L1CAM: variants seen among roughly 807,000 people sequenced by gnomAD.
L1CAM encodes L1 cell adhesion molecule.
In L1CAM, 8 loss-of-function variants were observed where a neutral mutation model predicts 93.0. The ratio of observed to expected loss-of-function variants is 0.09; its 90% confidence interval spans 0.05 to 0.16. The LOEUF (loss-of-function observed/expected upper bound fraction) is 0.16. Among genes scored for constraint, L1CAM ranks in the 10% least tolerant of loss-of-function variants. L1CAM has a pLI of 1.00. For missense variants in L1CAM, 777 were observed against 1,073.4 expected, an observed-to-expected ratio of 0.72 and a Z score of 3.86; for synonymous variants, 453 against 453.0, an observed-to-expected ratio of 1.00 and a Z score of 0.00.
chrX:153,868,748 C>A (rs782252014), intron 12 of L1CAM, 21 bp from the exon 13 acceptor site: 5 of 1,210,694 alleles, frequency 4.1e-6, no homozygotes, highest in Non-Finnish European at 5.6e-6. Flanking sequence ...CAGGGCGGGC[C>A]TGGCTCTGAC....
intron 1 of L1CAM, among the ~76,000 whole-genome samples, chrX:153,882,036 G>C (rs2064847396): frequency 9.0e-6 from 1 of 111,436 alleles, no homozygotes. Context: ...GGCAGGGAGA[G>C]GCCCTGGCCC....
Position 153,870,474 on chromosome X carries a change from C to T in L1CAM, c.720G>A (p.Pro240=), listed in dbSNP as rs35151382. Residue 240 remains proline (P), a synonymous_variant, in exon 8 of 29, where the codon CCG becomes CCA. Coordinates refer to ENST00000370060, the MANE Select transcript of L1CAM (RefSeq NM_001278116.2). ...TGGAGTTGGTGGGGAAGAGCAGGCG[C>T]GGCTTCCTGTCAATCATGCTGTTGG... The part of the protein sequence containing the change: ...KATNSMIDRK[P]RLLFPTNSSS... 2.0e-3 allele frequency: 2,395 copies of T among 1,209,913 alleles called. 28 individuals are homozygous for T. The African/African-American group carries it at 0.034, about 17-fold the overall frequency.
At chrX:153,863,323 T>C (rs2064680518) in intron 28 of L1CAM, 45 bp downstream of exon 28, 2 of 1,188,013 alleles carry the variant, frequency 1.7e-6, no homozygotes, top group South Asian at 3.6e-5. Flanking sequence ...ACATTGTCTA[T>C]AGGGAGACCT....
chrX:153,873,247 G>A lies in L1CAM; in HGVS notation c.77-5C>T. On this transcript the variant is annotated splice_region_variant and splice_polypyrimidine_tract_variant and intron_variant, in intron 2 of 28. Transcript: ENST00000370060. ...ACTTACCATGGTGTCCTTCATCTGAGAAATCCAGGCAGGCAGCAAGGGAGG... is the reference window on the plus strand; with the variant it reads ...ACTTACCATGGTGTCCTTCATCTGAAAAATCCAGGCAGGCAGCAAGGGAGG... The A allele has an allele frequency of 4.1e-6, 5 of 1,210,422 alleles. No individual in the cohort carries two copies. The highest frequency in any genetic ancestry group is 5.6e-6 in the Non-Finnish European group (5 of 893,959).
At chrX:153,882,539 C>T (rs2064850860) in intron 1 of L1CAM, among the ~76,000 whole-genome samples, 1 of 108,513 alleles carries the variant, frequency 9.2e-6, no homozygotes, top group Non-Finnish European at 1.9e-5. Flanking sequence ...CACAAATACA[C>T]ACACACAAGC....
At position 153,872,259 on chromosome X, in the gene L1CAM, G is replaced by C. The variant is rs375000497; in HGVS notation, c.293C>G (p.Thr98Arg). The part of the protein sequence containing the change: ...QSPHSGSFTI[T>R]GNNSNFAQRF... ...CTGAGCAAAGTTGCTGTTGTTGCCC[G>C]TGATGGTGAAGGAGCCAGAGTGGGG... Residue 98 changes from threonine to arginine, a missense_variant, in exon 5 of 29, where the codon ACG becomes AGG. Around this residue, in one of 5 missense-constraint regions of L1CAM, gnomAD observed 574 missense variants for 781.0 expected, o/e 0.73. Coordinates refer to ENST00000370060, the MANE Select transcript of L1CAM (RefSeq NM_001278116.2). 4 of 1,208,829 alleles carry C rather than the reference G, an allele frequency of 3.3e-6. No individual in the cohort carries two copies. Among genetic ancestry groups the C allele is most frequent in the East Asian group, 3.0e-5 (1 of 33,763 alleles).
At chrX:153,873,984 G>A (rs782626461) in intron 2 of L1CAM, among the ~76,000 whole-genome samples, 40 of 112,674 alleles carry the variant, frequency 3.6e-4, no homozygotes, top group African/African-American at 1.2e-3. Context: ...CTTTGTCTCT[G>A]CAGAAGACCT....
rs782566102 is a variant in L1CAM, at chrX:153,865,144, T to A, written c.2816A>T (p.Gln939Leu). 1 of 1,207,922 alleles carries A rather than the reference T, an allele frequency of 8.3e-7. No homozygotes were observed. The highest frequency in any genetic ancestry group is 1.8e-5 in the South Asian group (1 of 56,624). ...CACGCCGTTGTGGCTGAGTGGGGGC[T>A]GCCAGCGCAGCAGCAGGCTGGTGTT... ...QSNTSLLLRW[Q>L]PPLSHNGVLT... Residue 939 changes from glutamine to leucine, a missense_variant, in exon 22 of 29, where the codon CAG (glutamine) becomes CTG (leucine). By Grantham distance (113) the Gln-to-Leu change is moderately radical (BLOSUM62 -2). Around this residue, in one of 5 missense-constraint regions of L1CAM, gnomAD observed 71 missense variants for 77.4 expected, o/e 0.92. Transcript: ENST00000370060.
chrX:153,875,160 C>A, intron 2 of L1CAM, among the ~76,000 whole-genome samples: 1 of 111,847 alleles, frequency 8.9e-6, no homozygotes, highest in East Asian at 2.8e-4. Context: ...CAACCATAGA[C>A]ACATGCTCCA....
Position 153,885,107 on chromosome X carries a change from G to C in L1CAM, c.-109+958C>G, listed in dbSNP as rs182160171. ...GTAGTGCGTGTTCTTTGCAATCCCT[G>C]CCAACCAAGAGGCCCCAAAAGTCTG... is the stretch of plus-strand genomic sequence containing the variant. On this transcript the variant is annotated intron_variant, in intron 1 of 28. Coordinates refer to ENST00000370060, the MANE Select transcript of L1CAM (RefSeq NM_001278116.2). Among the ~76,000 whole-genome samples, 316 of 112,839 alleles carry C rather than the reference G, an allele frequency of 2.8e-3. 2 individuals are homozygous for C. Among genetic ancestry groups the C allele is most frequent in the South Asian group, 5.8e-3 (16 of 2,759 alleles).
At chrX:153,885,423 C>A (rs782537921) in intron 1 of L1CAM, 57 of 979,428 alleles carry the variant, frequency 5.8e-5, no homozygotes, top group Non-Finnish European at 5.3e-5. Context: ...CCTGGCTCTG[C>A]GGCAGGTTTT....
intron 1 of L1CAM, among the ~76,000 whole-genome samples, chrX:153,878,414 G>A (rs1303034895): frequency 3.5e-5 from 4 of 113,172 alleles, no homozygotes; most frequent in Non-Finnish European, 7.5e-5. Flanking sequence ...GAGGCCAAGA[G>A]ATGACTTGGA....
rs186165758 is a variant in L1CAM, at chrX:153,876,659, A to C, written c.-108-715T>G. ...AGAGAAGGGAGGAAAGGGGCCCAAG[A>C]TGGCAGCATTTCACAAAATAGTTTC... On this transcript the variant is annotated intron_variant, in intron 1 of 28. Coordinates refer to ENST00000370060, the MANE Select transcript of L1CAM (RefSeq NM_001278116.2). 1.4e-3 allele frequency among the ~76,000 whole-genome samples: 152 copies of C among 112,572 alleles called. 2 individuals carry two copies. Among genetic ancestry groups the C allele is most frequent in the South Asian group, 8.4e-3 (23 of 2,741 alleles).
chrX:153,863,770 G>T, intron 26 of L1CAM, 113 bp downstream of exon 26: 1 of 1,078,220 alleles, frequency 9.3e-7, no homozygotes, highest in Non-Finnish European at 1.3e-6. Context: ...CCATGCGCCT[G>T]TCATCTTGTG....
At position 153,867,876 on chromosome X, in the gene L1CAM, G is replaced by A. The variant is rs782026679; in HGVS notation, c.1863C>T (p.Ser621=). ...GGCTCTGCGTCAGCAGGTGCAGGTC[G>A]GACAGCACCAGCCGTGGCACCGGCC... is the stretch of plus-strand genomic sequence containing the variant. ...SPGPVPRLVL[S]DLHLLTQSQV... Residue 621 remains serine, a synonymous_variant, in exon 16 of 29, where the codon TCC becomes TCT. Coordinates refer to ENST00000370060, the MANE Select transcript of L1CAM (RefSeq NM_001278116.2). 2.0e-5 allele frequency: 24 copies of A among 1,208,900 alleles called. 1 individual carries two copies. Among genetic ancestry groups the A allele is most frequent in the African/African-American group, 1.6e-4 (9 of 57,162 alleles).
chrX:153,869,029 C>T lies in L1CAM; in HGVS notation c.1268-77G>A, dbSNP rs905528939. 63 of 814,281 alleles carry T rather than the reference C, an allele frequency of 7.7e-5. 1 individual carries two copies. The highest frequency in any genetic ancestry group is 1.4e-4 in the African/African-American group (7 of 49,367). The allele number at this position is 814,281 out of a possible 1,213,427, so 67.1% of individuals were successfully genotyped here. On this transcript the variant is annotated intron_variant, in intron 11 of 28. Coordinates refer to ENST00000370060, the MANE Select transcript of L1CAM (RefSeq NM_001278116.2). ...GGCCAGGAGCCAGGGACCCTCTGCA[C>T]GGCTTCCTCGGGCCCCCAAGAGCCC...
At chrX:153,867,960 C>T (rs782572720) in intron 15 of L1CAM, 38 bp downstream of exon 15, 21 of 1,207,865 alleles carry the variant, frequency 1.7e-5, no homozygotes, top group East Asian at 5.9e-5. Context: ...ATGTGAGCCC[C>T]GGCCTTCTGG....
chrX:153,880,081 C>T (rs1257173576), intron 1 of L1CAM, among the ~76,000 whole-genome samples: 2 of 111,929 alleles, frequency 1.8e-5, no homozygotes, highest in Non-Finnish European at 3.8e-5. Flanking sequence ...TTGCCCCATC[C>T]CACCCCACCT....
rs1557091765 is a variant in L1CAM, at chrX:153,868,328, G to T, written c.1677C>A (p.Asp559Glu). 6 of 1,212,000 alleles carry T rather than the reference G, an allele frequency of 5.0e-6. No individual in the cohort carries two copies. The highest frequency in any genetic ancestry group is 3.5e-5 in the South Asian group (2 of 57,006). Residue 559 changes from aspartate (D) to glutamate (E), a missense_variant, in exon 14 of 29, where the codon GAC becomes GAA. Around this residue, in one of 5 missense-constraint regions of L1CAM, gnomAD observed 574 missense variants for 781.0 expected, o/e 0.73. Transcript: ENST00000370060. ...PSITWRGDGR[D>E]LQELGDSDKY... Reference sequence around the variant, plus strand: ...TGTCACTGTCCCCAAGCTCCTGGAGGTCTCGACCGTCCCCACGCCAGGTGA... The same window carrying T: ...TGTCACTGTCCCCAAGCTCCTGGAGTTCTCGACCGTCCCCACGCCAGGTGA...
Sources: allele counts gnomAD v4.1 joint callset (sites outside exome capture counted in the v4.1 genomes callset), GRCh38; gene constraint gnomAD v4.1.1; regional missense constraint gnomAD v4.1.1; transcripts MANE v1.5; gene names NCBI Gene and HGNC (gene_info 2026-07-23, HGNC 2026-07-21).